The following PODXL variants were observed in gnomAD, a reference collection of about 807,000 sequenced individuals.
PODXL encodes the protein podocalyxin.
In PODXL, 20 loss-of-function variants were observed where a neutral mutation model predicts 48.9. That is an observed-to-expected ratio of 0.41 (90% CI 0.29 to 0.59). PODXL has a LOEUF of 0.59. PODXL is among the 20% of genes least tolerant of loss of function. The pLI is 0.31. For missense variants in PODXL, 606 were observed against 675.1 expected (o/e 0.90, Z 1.13); for synonymous variants, 295 against 287.4 (o/e 1.03, Z -0.27).
chr7:131,550,483 T>C (rs116775512), intron 1 of PODXL, among the ~76,000 whole-genome samples: 5,905 of 152,154 alleles, frequency 0.039, 122 homozygotes, highest in South Asian at 0.049. Context: ...GGTGAGACCC[T>C]ATTTCTACAG....
At chr7:131,550,048 G>A (rs1418918410) in intron 1 of PODXL, among the ~76,000 whole-genome samples, 1 of 152,192 alleles carries the variant, frequency 6.6e-6, no homozygotes, top group Non-Finnish European at 1.5e-5. Context: ...ATGTGGGCAA[G>A]GGCCACTGAT....
intron 6 of PODXL, 78 bp downstream of exon 6, chr7:131,506,501 C>G: frequency 6.6e-7 from 1 of 1,516,634 alleles, no homozygotes; most frequent in Non-Finnish European, 9.1e-7. Flanking sequence ...CTGTGACCCA[C>G]CCTCCAATGT....
At chr7:131,507,646 C>T (rs537298395) in intron 5 of PODXL, among the ~76,000 whole-genome samples, 1 of 150,946 alleles carries the variant, frequency 6.6e-6, no homozygotes, top group East Asian at 2.0e-4. Flanking sequence ...CCAGGGTTTT[C>T]CATCTTCCTT....
intron 1 of PODXL, among the ~76,000 whole-genome samples, chr7:131,520,770 CA>C (rs1173573262): frequency 6.6e-6 from 1 of 152,162 alleles, no homozygotes; most frequent in Non-Finnish European, 1.5e-5. Context: ...CATTTAGCGT[CA>C]AAGTTAAGAA....
In PODXL at chr7:131,501,354, AT is replaced by A. The variant is rs544311107; in HGVS notation, c.*2956del. 6.0e-4 allele frequency: 92 copies of A among 152,736 alleles called. No homozygotes were observed. Among genetic ancestry groups the A allele is most frequent in the African/African-American group, 2.0e-3 (85 of 41,556 alleles). 9.5% of individuals were successfully genotyped at this position (152,736 alleles called of 1,614,324 possible). A position where few individuals can be genotyped will look rare whatever the true frequency, so the allele number is the denominator to read the frequency against. Reference sequence around the variant, plus strand: ...TCACTGTATTTACATTATCAAAAAAATATGTGTATATGTATCAGTTTGAACT... The same window carrying A: ...TCACTGTATTTACATTATCAAAAAAAATGTGTATATGTATCAGTTTGAACT... On this transcript the variant is annotated 3_prime_UTR_variant, in exon 9 of 9. Coordinates refer to ENST00000378555, the MANE Select transcript of PODXL (RefSeq NM_001018111.3).
chr7:131,540,723 C>T (rs1027556773), intron 1 of PODXL, among the ~76,000 whole-genome samples: 4 of 152,170 alleles, frequency 2.6e-5, no homozygotes, highest in South Asian at 2.1e-4. Context: ...CTCCTGCAGC[C>T]GTGAAAATAA....
chr7:131,521,527 GT>G (rs1798092345), intron 1 of PODXL, among the ~76,000 whole-genome samples: 1 of 152,026 alleles, frequency 6.6e-6, no homozygotes, highest in Non-Finnish European at 1.5e-5. Flanking sequence ...TAGAGAAGGG[GT>G]TTCACCATGT....
intron 1 of PODXL, among the ~76,000 whole-genome samples, chr7:131,532,954 C>A (rs979383802): frequency 6.6e-5 from 10 of 152,116 alleles, no homozygotes; most frequent in Admixed American, 6.5e-4. Context: ...GACTTTCAGC[C>A]CCCAGATCTG....
intron 1 of PODXL, among the ~76,000 whole-genome samples, chr7:131,533,664 T>C (rs1379106021): frequency 2.0e-5 from 3 of 152,174 alleles, no homozygotes; most frequent in Admixed American, 1.3e-4. Flanking sequence ...GTCCTCATTC[T>C]TTCCTGTCCT....
At chr7:131,533,772 C>T (rs1230753044) in intron 1 of PODXL, among the ~76,000 whole-genome samples, 1 of 152,178 alleles carries the variant, frequency 6.6e-6, no homozygotes, top group Non-Finnish European at 1.5e-5. Context: ...CCCACTAAAG[C>T]AGTACAGGAC....
intron 1 of PODXL, among the ~76,000 whole-genome samples, chr7:131,550,623 G>A (rs546435403): frequency 7.8e-4 from 118 of 151,988 alleles, no homozygotes; most frequent in Non-Finnish European, 1.5e-3. Context: ...GCAACACAGC[G>A]AGATTCCATC....
chr7:131,543,759 C>G (rs1487031761), intron 1 of PODXL, among the ~76,000 whole-genome samples: 1 of 152,160 alleles, frequency 6.6e-6, no homozygotes, highest in Non-Finnish European at 1.5e-5. Context: ...GCCAGCAAAA[C>G]ACGAAGAGCC....
At chr7:131,518,280 C>T (rs1204738101) in intron 1 of PODXL, among the ~76,000 whole-genome samples, 1 of 152,064 alleles carries the variant, frequency 6.6e-6, no homozygotes, top group Non-Finnish European at 1.5e-5. Flanking sequence ...TTCAAACATT[C>T]GAAATTAACT....
intron 1 of PODXL, among the ~76,000 whole-genome samples, chr7:131,523,699 AAAAC>A (rs1562909366): frequency 2.9e-5 from 3 of 103,684 alleles, no homozygotes; most frequent in East Asian, 5.3e-4. Context: ...AAAAAAAAAA[AAAAC>A]AAGAAAAGAA....
intron 5 of PODXL, among the ~76,000 whole-genome samples, chr7:131,507,450 T>G (rs1584807918): frequency 6.6e-6 from 1 of 152,104 alleles, no homozygotes. Flanking sequence ...ATGTATCCAG[T>G]CCTGCCATGC....
At chr7:131,521,303 A>G (rs777120368) in intron 1 of PODXL, among the ~76,000 whole-genome samples, 11 of 151,816 alleles carry the variant, frequency 7.2e-5, no homozygotes, top group Non-Finnish European at 8.8e-5. Context: ...TTTACCTGGG[A>G]CATGGACAAA....
intron 5 of PODXL, among the ~76,000 whole-genome samples, chr7:131,508,098 T>C (rs1797841824): frequency 1.3e-5 from 2 of 152,148 alleles, no homozygotes; most frequent in African/African-American, 4.8e-5. Flanking sequence ...GGCAGTTATT[T>C]ACTGAGTGTG....
intron 1 of PODXL, among the ~76,000 whole-genome samples, chr7:131,518,413 G>C (rs546101969): frequency 5.3e-5 from 8 of 152,300 alleles, no homozygotes; most frequent in Non-Finnish European, 1.0e-4. Context: ...TCTCCTGAAC[G>C]GGTCTGGTGA....
chr7:131,536,288 T>A (rs1318865248), intron 1 of PODXL, among the ~76,000 whole-genome samples: 1 of 152,172 alleles, frequency 6.6e-6, no homozygotes, highest in East Asian at 1.9e-4. Flanking sequence ...CACAATCCAA[T>A]AATAGATGCC....
Sources: gnomAD v4.1 joint callset for allele counts (sites outside exome capture counted in the v4.1 genomes callset) on GRCh38, gnomAD v4.1.1 for gene constraint, MANE v1.5 for transcripts, NCBI Gene and HGNC (gene_info 2026-07-23, HGNC 2026-07-21) for gene names.